Variants in ANXA10 observed in about 807,000 individuals in gnomAD.
ANXA10 encodes annexin A10.
A neutral mutation model predicts 53.5 loss-of-function variants in ANXA10; 49 were observed. The ratio of observed to expected loss-of-function variants is 0.92; its 90% CI spans 0.73 to 1.16. The LOEUF is 1.16. Among genes scored for constraint, ANXA10 ranks in the 50% most tolerant of loss-of-function variants. ANXA10 has a pLI of 0.00. For missense variants in ANXA10, 393 were observed against 394.4 expected, an observed-to-expected ratio of 1.00 and a Z score of 0.03; for synonymous variants, 131 against 128.9, an observed-to-expected ratio of 1.02 and a Z score of -0.11.
intron 2 of ANXA10, among the ~76,000 whole-genome samples, chr4:168,137,930 C>G (rs994987834): frequency 1.3e-5 from 2 of 151,322 alleles, no homozygotes; most frequent in African/African-American, 4.9e-5. Flanking sequence ...CCTTTTTTTG[C>G]ACATCCTCTC....
intron 6 of ANXA10, among the ~76,000 whole-genome samples, chr4:168,168,666 G>T (rs562266573): frequency 6.6e-6 from 1 of 152,034 alleles, no homozygotes; most frequent in East Asian, 1.9e-4. Flanking sequence ...TGATCCGCCC[G>T]CCTCGGCCTC....
At chr4:168,171,548 T>A (rs1731987738) in intron 6 of ANXA10, among the ~76,000 whole-genome samples, 2 of 152,178 alleles carry the variant, frequency 1.3e-5, no homozygotes, top group East Asian at 3.9e-4. Context: ...GAGACTGGGG[T>A]AATTGGAGCA....
At chr4:168,182,629 G>A (rs1320223401) in intron 10 of ANXA10, among the ~76,000 whole-genome samples, 3 of 145,706 alleles carry the variant, frequency 2.1e-5, no homozygotes, top group Non-Finnish European at 4.5e-5. Context: ...CACCGCGCCC[G>A]GCCTGGAGCG....
At chr4:168,125,552 G>A (rs924370567) in intron 1 of ANXA10, among the ~76,000 whole-genome samples, 2 of 152,092 alleles carry the variant, frequency 1.3e-5, no homozygotes, top group East Asian at 1.9e-4. Context: ...GAGGGATGTG[G>A]TTTTGTGAAT....
In ANXA10 at chr4:168,181,676, C is replaced by A; in HGVS notation, c.725-7C>A. The A allele has an allele frequency of 6.3e-7, 1 of 1,599,158 alleles. No homozygotes were observed. Among genetic ancestry groups the A allele is most frequent in the South Asian group, 1.1e-5 (1 of 90,710 alleles). On this transcript the variant is annotated splice_region_variant and splice_polypyrimidine_tract_variant and intron_variant, in intron 9 of 11. Coordinates refer to ENST00000359299, the MANE Select transcript of ANXA10 (RefSeq NM_007193.5). Reference sequence around the variant, plus strand: ...ATGTTTCTTCTTCTCTCTCTGATTTCTCCTAGTTCTCTGTGTTCGAGACAA... The same window carrying A: ...ATGTTTCTTCTTCTCTCTCTGATTTATCCTAGTTCTCTGTGTTCGAGACAA...
chr4:168,144,781 T>G (rs893111235), intron 3 of ANXA10, among the ~76,000 whole-genome samples: 3 of 152,208 alleles, frequency 2.0e-5, no homozygotes, highest in Admixed American at 1.3e-4. Context: ...TGTCCACTTT[T>G]GATTAGGCTG....
intron 3 of ANXA10, among the ~76,000 whole-genome samples, chr4:168,153,676 A>G (rs768878025): frequency 1.3e-4 from 20 of 152,110 alleles, no homozygotes; most frequent in Admixed American, 8.5e-4. Context: ...AATGCCTATA[A>G]TATGCCATAA....
At position 168,187,423 on chromosome 4, in the gene ANXA10, G is replaced by A. The variant is rs745879693; in HGVS notation, c.964G>A (p.Glu322Lys). Reference protein sequence around the residue: ...ALLAICAGDAEDY With the variant: ...ALLAICAGDAKDY ...GCTTGCCATCTGTGCTGGTGATGCTGAGGACTACTAAAATGAAGAGGACTT... is the reference window on the plus strand; with the variant it reads ...GCTTGCCATCTGTGCTGGTGATGCTAAGGACTACTAAAATGAAGAGGACTT... The change falls in exon 12 of 12, where the codon GAG becomes AAG. Residue 322 changes from glutamate (E) to lysine (K), a missense_variant. By Grantham distance (56) the Glu-to-Lys change is moderately conservative. Transcript: ENST00000359299. 16 of 1,592,890 alleles carry A rather than the reference G, an allele frequency of 1.0e-5. No homozygotes were observed. Among genetic ancestry groups the A allele is most frequent in the South Asian group, 5.8e-5 (5 of 86,476 alleles).
At chr4:168,124,919 A>T (rs1377895166) in intron 1 of ANXA10, among the ~76,000 whole-genome samples, 1 of 152,204 alleles carries the variant, frequency 6.6e-6, no homozygotes, top group Non-Finnish European at 1.5e-5. Flanking sequence ...AAAATTGGCA[A>T]AGGTCTGTAT....
At chr4:168,162,191 T>C (rs1177056679) in intron 3 of ANXA10, among the ~76,000 whole-genome samples, 1 of 152,152 alleles carries the variant, frequency 6.6e-6, no homozygotes, top group Non-Finnish European at 1.5e-5. Flanking sequence ...ACAAGAAAAC[T>C]AAAGACCCCC....
intron 3 of ANXA10, among the ~76,000 whole-genome samples, chr4:168,145,831 A>C (rs1290438544): frequency 6.6e-6 from 1 of 152,168 alleles, no homozygotes; most frequent in African/African-American, 2.4e-5. Context: ...TAGAGTCAGA[A>C]GTCTTACTGA....
chr4:168,102,297 T>C (rs1373457708), intron 1 of ANXA10, among the ~76,000 whole-genome samples: 1 of 152,120 alleles, frequency 6.6e-6, no homozygotes, highest in Non-Finnish European at 1.5e-5. Flanking sequence ...ATGTGCTTTT[T>C]GTGGTATACA....
intron 9 of ANXA10, among the ~76,000 whole-genome samples, chr4:168,180,392 T>C (rs1469187243): frequency 6.6e-6 from 1 of 152,156 alleles, no homozygotes; most frequent in Non-Finnish European, 1.5e-5. Context: ...AATATCCGAA[T>C]CTCAAGATAG....
At chr4:168,164,325 T>TA in intron 5 of ANXA10, 37 bp downstream of exon 5, 1 of 1,424,286 alleles carries the variant, frequency 7.0e-7, no homozygotes, top group South Asian at 1.2e-5. Flanking sequence ...ATTTTACACA[T>TA]ATAAGAACTT....
chr4:168,176,335 C>A (rs1732126649), intron 6 of ANXA10, among the ~76,000 whole-genome samples: 1 of 152,118 alleles, frequency 6.6e-6, no homozygotes, highest in Non-Finnish European at 1.5e-5. Context: ...AGGTCAGAGC[C>A]AAACTGACCA....
At chr4:168,153,538 G>A (rs571852948) in intron 3 of ANXA10, among the ~76,000 whole-genome samples, 3 of 150,898 alleles carry the variant, frequency 2.0e-5, no homozygotes, top group Non-Finnish European at 3.0e-5. Context: ...CAAAAAATAC[G>A]GGAAAACTGT....
At chr4:168,126,473 A>T (rs2149469432) in intron 1 of ANXA10, among the ~76,000 whole-genome samples, 1 of 152,288 alleles carries the variant, frequency 6.6e-6, no homozygotes, top group Admixed American at 6.5e-5. Context: ...TCTCTTACTT[A>T]GTAACCTTGT....
intron 11 of ANXA10, among the ~76,000 whole-genome samples, chr4:168,186,577 G>A (rs1056495976): frequency 1.2e-4 from 19 of 152,258 alleles, no homozygotes; most frequent in African/African-American, 4.3e-4. Flanking sequence ...CGAGAGACAG[G>A]CACTCAGCAG....
At chr4:168,105,990 GT>G (rs1379804443) in intron 1 of ANXA10, among the ~76,000 whole-genome samples, 1 of 151,926 alleles carries the variant, frequency 6.6e-6, no homozygotes, top group Non-Finnish European at 1.5e-5. Flanking sequence ...GGAGTTGTTT[GT>G]TTTTTCTTTG....
Sources: gnomAD v4.1 joint callset for allele counts (sites outside exome capture counted in the v4.1 genomes callset) on GRCh38, gnomAD v4.1.1 for gene constraint, MANE v1.5 for transcripts, NCBI Gene and HGNC (gene_info 2026-07-23, HGNC 2026-07-21) for gene names.